Variants in FGGY observed in about 807,000 individuals in gnomAD.
FGGY encodes FGGY carbohydrate kinase domain containing.
In FGGY, 72 loss-of-function variants were observed where a neutral mutation model predicts 71.3. The ratio of observed to expected loss-of-function variants is 1.01; its 90% confidence interval spans 0.84 to 1.23. FGGY has a LOEUF of 1.23. FGGY is among the 50% of genes most tolerant of loss of function. The pLI, the probability that FGGY is intolerant of heterozygous loss-of-function variation, is 0.00. For missense variants in FGGY, 668 were observed against 682.3 expected (o/e 0.98, Z 0.23); for synonymous variants, 251 against 250.3 (o/e 1.00, Z -0.02).
intron 5 of FGGY, among the ~76,000 whole-genome samples, chr1:59,421,327 A>G (rs989866677): frequency 1.3e-5 from 2 of 152,232 alleles, no homozygotes; most frequent in African/African-American, 4.8e-5. Flanking sequence ...CTTTTTAATT[A>G]TGATATTGAT....
intron 14 of FGGY, among the ~76,000 whole-genome samples, chr1:59,699,835 G>A (rs534718140): frequency 6.6e-6 from 1 of 152,276 alleles, no homozygotes; most frequent in Admixed American, 6.5e-5. Flanking sequence ...ACTGTATGTG[G>A]TGCTTTGACT....
chr1:59,335,478 T>G (rs1217843168), intron 2 of FGGY, among the ~76,000 whole-genome samples: 1 of 152,218 alleles, frequency 6.6e-6, no homozygotes, highest in Non-Finnish European at 1.5e-5. Flanking sequence ...TGGTTGGTTT[T>G]CAGCTTGGGA....
chr1:59,592,276 C>CAGGAAACAACAGGTGCTGGAG (rs2096457574), intron 8 of FGGY, among the ~76,000 whole-genome samples: 2 of 151,604 alleles, frequency 1.3e-5, no homozygotes, highest in Non-Finnish European at 2.9e-5. Context: ...ATTAAAAAGT[C>CAGGAAACAACAGGTGCTGGAG]AGGAAACAAC....
At chr1:59,453,925 G>A (rs972424022) in intron 5 of FGGY, among the ~76,000 whole-genome samples, 2 of 152,092 alleles carry the variant, frequency 1.3e-5, no homozygotes, top group African/African-American at 2.4e-5. Flanking sequence ...AAGAGTGTGG[G>A]TATGTGGAGA....
intron 6 of FGGY, among the ~76,000 whole-genome samples, chr1:59,476,860 A>G (rs1228605169): frequency 6.6e-6 from 1 of 152,232 alleles, no homozygotes; most frequent in Non-Finnish European, 1.5e-5. Context: ...TTGAAAAAGC[A>G]CAGGGAGAAG....
At chr1:59,647,576 G>A (rs953640606) in intron 11 of FGGY, among the ~76,000 whole-genome samples, 2 of 152,152 alleles carry the variant, frequency 1.3e-5, no homozygotes, top group South Asian at 2.1e-4. Context: ...TTATTGGAAG[G>A]TTCTGGGAAA....
chr1:59,368,960 G>A (rs986727831), intron 4 of FGGY, among the ~76,000 whole-genome samples: 3 of 152,216 alleles, frequency 2.0e-5, no homozygotes, highest in African/African-American at 4.8e-5. Context: ...GAACAGCTCC[G>A]GTCTACAGCT....
At chr1:59,301,239 T>A in intron 1 of FGGY, among the ~76,000 whole-genome samples, 1 of 152,254 alleles carries the variant, frequency 6.6e-6, no homozygotes, top group East Asian at 1.9e-4. Context: ...GTAAATGATA[T>A]TAAAATTTTA....
chr1:59,369,349 G>A (rs573349677), intron 4 of FGGY, among the ~76,000 whole-genome samples: 4 of 152,330 alleles, frequency 2.6e-5, no homozygotes, highest in South Asian at 2.1e-4. Flanking sequence ...AGGCGGCAGC[G>A]AGGCTGGGGG....
chr1:59,498,546 T>C (rs1418957426), intron 6 of FGGY, among the ~76,000 whole-genome samples: 1 of 152,134 alleles, frequency 6.6e-6, no homozygotes, highest in Non-Finnish European at 1.5e-5. Flanking sequence ...CATACCTTGG[T>C]GTGCGTCAAA....
chr1:59,627,954 C>T (rs543310604), intron 10 of FGGY, among the ~76,000 whole-genome samples: 1 of 152,074 alleles, frequency 6.6e-6, no homozygotes, highest in South Asian at 2.1e-4. Flanking sequence ...AGGACAGTAG[C>T]CTTACAATTA....
chr1:59,452,967 G>A (rs1175971558), intron 5 of FGGY, among the ~76,000 whole-genome samples: 2 of 152,206 alleles, frequency 1.3e-5, no homozygotes, highest in African/African-American at 4.8e-5. Context: ...AACACTTCAG[G>A]AAATGTCAAA....
chr1:59,600,447 A>G (rs1225376834), intron 8 of FGGY, among the ~76,000 whole-genome samples: 1 of 152,174 alleles, frequency 6.6e-6, no homozygotes, highest in African/African-American at 2.4e-5. Context: ...CATTGCACAC[A>G]TAGGACTGGA....
At chr1:59,690,160 G>A (rs2097577977) in intron 14 of FGGY, among the ~76,000 whole-genome samples, 1 of 152,160 alleles carries the variant, frequency 6.6e-6, no homozygotes, top group Non-Finnish European at 1.5e-5. Context: ...GGAAACAACA[G>A]GCTTTAGTGA....
At chr1:59,462,579 A>G (rs1177877428) in intron 6 of FGGY, among the ~76,000 whole-genome samples, 3 of 152,256 alleles carry the variant, frequency 2.0e-5, no homozygotes, top group Non-Finnish European at 4.4e-5. Flanking sequence ...GCTAATATCC[A>G]GAATCTACAG....
At chr1:59,503,613 A>ATATG in intron 6 of FGGY, among the ~76,000 whole-genome samples, 1 of 147,000 alleles carries the variant, frequency 6.8e-6, no homozygotes, top group Non-Finnish European at 1.5e-5. Context: ...ATATATATAT[A>ATATG]TATATAAAAT....
intron 2 of FGGY, among the ~76,000 whole-genome samples, chr1:59,329,845 C>A (rs2153166667): frequency 6.6e-6 from 1 of 152,316 alleles, no homozygotes; most frequent in East Asian, 1.9e-4. Context: ...CTCTTTTGCT[C>A]CAGCCAAATT....
intron 5 of FGGY, among the ~76,000 whole-genome samples, chr1:59,443,291 A>T (rs2070396649): frequency 6.6e-6 from 1 of 152,214 alleles, no homozygotes; most frequent in Admixed American, 6.5e-5. Context: ...AAGGGCCCTA[A>T]TAGCCAAAAA....
chr1:59,539,932 A>C (rs2095413691), intron 7 of FGGY, among the ~76,000 whole-genome samples: 1 of 152,256 alleles, frequency 6.6e-6, no homozygotes. Context: ...ACAATGGTTA[A>C]ATGTGTATAA....
Sources: gnomAD v4.1 joint callset for allele counts (sites outside exome capture counted in the v4.1 genomes callset) on GRCh38, gnomAD v4.1.1 for gene constraint, MANE v1.5 for transcripts, NCBI Gene and HGNC (gene_info 2026-07-23, HGNC 2026-07-21) for gene names.